XYLT1: variants seen among roughly 807,000 people sequenced by gnomAD.
The protein encoded by XYLT1 is beta-D-xylosyltransferase 1.
Under a neutral mutation model 91.3 loss-of-function variants are expected in XYLT1, and 36 were observed. That is an observed-to-expected ratio of 0.39 (90% CI 0.30 to 0.52). The LOEUF (loss-of-function observed/expected upper bound fraction) is 0.52. XYLT1 is among the 20% of genes least tolerant of loss of function. The pLI is 0.68. For synonymous variants in XYLT1, 588 were observed against 532.0 expected, an observed-to-expected ratio of 1.11 and a Z score of -1.45; for missense variants, 1,242 against 1,284.5, an observed-to-expected ratio of 0.97 and a Z score of 0.51.
chr16:17,377,836 C>T (rs936032537), intron 1 of XYLT1, among the ~76,000 whole-genome samples: 1 of 152,156 alleles, frequency 6.6e-6, no homozygotes, highest in Non-Finnish European at 1.5e-5. Context: ...TGGATCAGCC[C>T]ACTGGGGTTC....
chr16:17,341,110 C>A (rs960964014), intron 2 of XYLT1, among the ~76,000 whole-genome samples: 6 of 152,144 alleles, frequency 3.9e-5, no homozygotes, highest in Admixed American at 6.5e-5. Context: ...AATGCACACA[C>A]CCTTTGAGCC....
rs115815336 is a variant in XYLT1, at chr16:17,367,737, C to T, written c.364-9687G>A. Among the ~76,000 whole-genome samples the T allele has an allele frequency of 1.2e-3, 189 of 152,298 alleles. 2 individuals are homozygous for T. Among genetic ancestry groups the T allele is most frequent in the African/African-American group, 4.2e-3 (175 of 41,562 alleles). On this transcript the variant is annotated intron_variant, in intron 1 of 11. Coordinates refer to ENST00000261381, the MANE Select transcript of XYLT1 (RefSeq NM_022166.4). Reference sequence around the variant, plus strand: ...AGCTGTTACTAAGCAGTCCACCTGGCCTCAAATTCTCAATACGGCCCGAGG... The same window carrying T: ...AGCTGTTACTAAGCAGTCCACCTGGTCTCAAATTCTCAATACGGCCCGAGG...
intron 2 of XYLT1, among the ~76,000 whole-genome samples, chr16:17,267,690 T>C (rs1284765136): frequency 6.6e-6 from 1 of 152,140 alleles, no homozygotes; most frequent in African/African-American, 2.4e-5. Context: ...ATTACAGGCG[T>C]GAGCCACCAC....
chr16:17,293,404 TAACGTG>T lies in XYLT1; in HGVS notation c.403-33912_403-33907del, dbSNP rs1443301058. ...CCCAGGGACAGTGGTACCAATTAAA[TAACGTG>T]ACACTTTGGAGGTGTAAAGCTATGT... On this transcript the variant is annotated intron_variant, in intron 2 of 11. Transcript: ENST00000261381. Among the ~76,000 whole-genome samples the T allele has an allele frequency of 2.0e-5, 3 of 151,442 alleles. No homozygotes were observed. The East Asian group carries it at 5.8e-4, about 29-fold the overall frequency.
chr16:17,424,591 C>T (rs2141925560), intron 1 of XYLT1, among the ~76,000 whole-genome samples: 1 of 152,098 alleles, frequency 6.6e-6, no homozygotes, highest in South Asian at 2.1e-4. Context: ...GTGGACACAG[C>T]CGGGTGCGGT....
intron 2 of XYLT1, among the ~76,000 whole-genome samples, chr16:17,356,399 A>G (rs910814483): frequency 3.3e-5 from 5 of 152,082 alleles, no homozygotes; most frequent in African/African-American, 9.7e-5. Context: ...TGCACCTTCT[A>G]TACTTCCCTG....
chr16:17,470,115 A>G (rs1358419736), intron 1 of XYLT1, among the ~76,000 whole-genome samples: 1 of 152,108 alleles, frequency 6.6e-6, no homozygotes, highest in Non-Finnish European at 1.5e-5. Flanking sequence ...ACACGCACGG[A>G]GCAAGTCACC....
intron 5 of XYLT1, among the ~76,000 whole-genome samples, chr16:17,162,369 C>T (rs2031575267): frequency 6.7e-6 from 1 of 150,364 alleles, no homozygotes; most frequent in African/African-American, 2.5e-5. Flanking sequence ...CAGATCGCTC[C>T]ACTCCACTCC....
intron 1 of XYLT1, among the ~76,000 whole-genome samples, chr16:17,467,816 C>T (rs1424196): frequency 0.17 from 25,971 of 152,164 alleles, 2,657 homozygotes; most frequent in Non-Finnish European, 0.24. Context: ...ACACAGGTTC[C>T]CTCTACATGC....
intron 3 of XYLT1, among the ~76,000 whole-genome samples, chr16:17,228,410 A>T (rs1194060626): frequency 6.6e-6 from 1 of 152,228 alleles, no homozygotes; most frequent in Non-Finnish European, 1.5e-5. Flanking sequence ...GCCTGGTCAC[A>T]GGCAAACCTT....
At chr16:17,232,114 T>TTA (rs1162214091) in intron 3 of XYLT1, among the ~76,000 whole-genome samples, 1 of 145,168 alleles carries the variant, frequency 6.9e-6, no homozygotes, top group African/African-American at 2.5e-5. Context: ...TAATCGATAA[T>TTA]TATATATATT....
intron 6 of XYLT1, among the ~76,000 whole-genome samples, chr16:17,156,355 C>T (rs1173506735): frequency 6.6e-6 from 1 of 152,222 alleles, no homozygotes; most frequent in Admixed American, 6.5e-5. Flanking sequence ...GGGCTCCTTT[C>T]TCGAGACACA....
chr16:17,319,065 A>G (rs1027427180), intron 2 of XYLT1, among the ~76,000 whole-genome samples: 1 of 151,884 alleles, frequency 6.6e-6, no homozygotes, highest in African/African-American at 2.4e-5. Context: ...TGGGATTACA[A>G]GCATGAGCCA....
intron 5 of XYLT1, among the ~76,000 whole-genome samples, chr16:17,177,462 T>G (rs2031970635): frequency 6.6e-6 from 1 of 152,212 alleles, no homozygotes. Flanking sequence ...GATGGCTTAA[T>G]CTGTATATTC....
In XYLT1 at chr16:17,105,417, GA is replaced by G. The variant is rs1337736455; in HGVS notation, c.*3277del. 1 of 152,200 alleles carries G rather than the reference GA, an allele frequency of 6.6e-6. No individual in the cohort carries two copies. The highest frequency in any genetic ancestry group is 1.5e-5 in the Non-Finnish European group (1 of 68,040). 9.4% of individuals were successfully genotyped at this position (152,200 alleles called of 1,614,324 possible). A position where few individuals can be genotyped will look rare whatever the true frequency, so the allele number is the denominator to read the frequency against. On this transcript the variant is annotated 3_prime_UTR_variant, in exon 12 of 12. Transcript: ENST00000261381. ...CCGGAAGGACTCATGATCTCACCAG[GA>G]AAGCCTTTTTTTTCCCCTGCAAAGG...
intron 2 of XYLT1, among the ~76,000 whole-genome samples, chr16:17,281,571 C>T (rs1343902701): frequency 2.0e-5 from 3 of 152,188 alleles, no homozygotes; most frequent in African/African-American, 7.2e-5. Flanking sequence ...TGCTATGGAA[C>T]CCTGGCTAGA....
chr16:17,354,271 C>T (rs2035262828), intron 2 of XYLT1, among the ~76,000 whole-genome samples: 1 of 152,128 alleles, frequency 6.6e-6, no homozygotes, highest in South Asian at 2.1e-4. Context: ...CTTCCTCATT[C>T]TATTAATCTG....
intron 2 of XYLT1, among the ~76,000 whole-genome samples, chr16:17,260,768 T>G (rs552590767): frequency 6.6e-6 from 1 of 152,352 alleles, no homozygotes; most frequent in African/African-American, 2.4e-5. Flanking sequence ...ATAGTTGCAA[T>G]AGAAACTTTC....
chr16:17,251,334 A>G (rs1437425899), intron 3 of XYLT1: 1 of 152,282 alleles, frequency 6.6e-6, no homozygotes, highest in African/African-American at 2.4e-5. Flanking sequence ...CCCATCACCC[A>G]TTGGAGAACT....
Sources: allele counts gnomAD v4.1 joint callset (sites outside exome capture counted in the v4.1 genomes callset), GRCh38; gene constraint gnomAD v4.1.1; transcripts MANE v1.5; gene names NCBI Gene and HGNC (gene_info 2026-07-23, HGNC 2026-07-21).